The following MAGI1 variants were observed in gnomAD, a reference collection of about 807,000 sequenced individuals.
MAGI1 encodes membrane-associated guanylate kinase, WW and PDZ domain-containing protein 1.
In MAGI1, 58 loss-of-function variants were observed where a neutral mutation model predicts 139.9. The observed-to-expected ratio is 0.41, with a 90% CI of 0.34 to 0.52. The LOEUF is 0.52. Among genes scored for constraint, MAGI1 ranks in the 20% least tolerant of loss-of-function variants. The pLI is 0.12. For synonymous variants in MAGI1, 812 were observed against 737.9 expected, an observed-to-expected ratio of 1.10 and a Z score of -1.63; for missense variants, 1,874 against 1,901.6, an observed-to-expected ratio of 0.99 and a Z score of 0.27.
At chr3:65,668,553 C>A (rs2086660552) in intron 1 of MAGI1, among the ~76,000 whole-genome samples, 1 of 134,726 alleles carries the variant, frequency 7.4e-6, no homozygotes, top group Non-Finnish European at 1.5e-5. Flanking sequence ...CCATTTAGTC[C>A]TTTTTTTTCT....
At chr3:65,595,190 G>T (rs1298920148) in intron 2 of MAGI1, among the ~76,000 whole-genome samples, 11 of 152,182 alleles carry the variant, frequency 7.2e-5, no homozygotes, top group Admixed American at 3.9e-4. Context: ...AGGAGAGGCT[G>T]CCTCATCAGA....
intron 10 of MAGI1, among the ~76,000 whole-genome samples, chr3:65,433,341 T>G (rs1046738412): frequency 2.6e-5 from 4 of 152,120 alleles, no homozygotes; most frequent in African/African-American, 9.7e-5. Flanking sequence ...AAAAATACAT[T>G]AGCATATTTT....
chr3:65,960,327 C>G (rs774680907), intron 1 of MAGI1, among the ~76,000 whole-genome samples: 1 of 152,146 alleles, frequency 6.6e-6, no homozygotes, highest in African/African-American at 2.4e-5. Context: ...GACAATTCTG[C>G]GTTAGCCTTC....
At chr3:65,408,605 T>C (rs1945538281) in intron 12 of MAGI1, among the ~76,000 whole-genome samples, 1 of 152,208 alleles carries the variant, frequency 6.6e-6, no homozygotes, top group African/African-American at 2.4e-5. Context: ...TGAACATCAA[T>C]GGCCGGCAAC....
At chr3:65,555,007 C>T (rs534699906) in intron 2 of MAGI1, among the ~76,000 whole-genome samples, 4 of 152,048 alleles carry the variant, frequency 2.6e-5, no homozygotes, top group African/African-American at 9.7e-5. Context: ...TAGTTAATAG[C>T]CAATGTTAAT....
At chr3:65,672,461 C>A (rs573737695) in intron 1 of MAGI1, among the ~76,000 whole-genome samples, 1 of 152,092 alleles carries the variant, frequency 6.6e-6, no homozygotes, top group Non-Finnish European at 1.5e-5. Context: ...CAGATTATAT[C>A]GGTTTAGGTC....
At chr3:65,458,095 C>A (rs1949521210) in intron 5 of MAGI1, among the ~76,000 whole-genome samples, 1 of 152,112 alleles carries the variant, frequency 6.6e-6, no homozygotes, top group South Asian at 2.1e-4. Context: ...ATAATGACCT[C>A]CAGTTCCACA....
intron 1 of MAGI1, among the ~76,000 whole-genome samples, chr3:65,631,248 A>G (rs1179900314): frequency 2.0e-5 from 3 of 152,226 alleles, no homozygotes; most frequent in Non-Finnish European, 4.4e-5. Context: ...AAGGAATCCA[A>G]TGTTTGTGCT....
intron 1 of MAGI1, among the ~76,000 whole-genome samples, chr3:65,978,329 G>A (rs2065367412): frequency 6.6e-6 from 1 of 152,148 alleles, no homozygotes; most frequent in South Asian, 2.1e-4. Flanking sequence ...GGAAGTTTGT[G>A]GCTCTAGAAT....
At chr3:65,741,175 T>C (rs1467426209) in intron 1 of MAGI1, among the ~76,000 whole-genome samples, 3 of 135,892 alleles carry the variant, frequency 2.2e-5, no homozygotes, top group Admixed American at 7.3e-5. Flanking sequence ...GTTGCTATTA[T>C]TGATTTTTTT....
intron 1 of MAGI1, among the ~76,000 whole-genome samples, chr3:65,720,957 G>C (rs1253651126): frequency 6.6e-6 from 1 of 151,970 alleles, no homozygotes; most frequent in African/African-American, 2.4e-5. Flanking sequence ...GCCCAGGCTA[G>C]TCTCAAACTC....
intron 1 of MAGI1, among the ~76,000 whole-genome samples, chr3:65,795,353 A>G (rs1055248427): frequency 1.2e-4 from 19 of 152,196 alleles, no homozygotes; most frequent in Non-Finnish European, 2.9e-5. Flanking sequence ...CTACTCAGCA[A>G]TTTTTAAAAA....
intron 3 of MAGI1, among the ~76,000 whole-genome samples, chr3:65,491,077 A>G (rs1015313589): frequency 2.0e-5 from 3 of 152,090 alleles, no homozygotes; most frequent in Non-Finnish European, 4.4e-5. Flanking sequence ...CTCTACTGCT[A>G]TACACCAGGA....
intron 1 of MAGI1, among the ~76,000 whole-genome samples, chr3:66,035,559 G>C (rs2068869436): frequency 6.6e-6 from 1 of 152,170 alleles, no homozygotes; most frequent in South Asian, 2.1e-4. Context: ...GAAGACGTCA[G>C]AAGATCCAAC....
intron 4 of MAGI1, among the ~76,000 whole-genome samples, chr3:65,477,717 T>TA (rs370763213): frequency 0.03 from 3,680 of 124,412 alleles, 63 homozygotes; most frequent in East Asian, 0.076. Flanking sequence ...TATTATTTTT[T>TA]TTTTTTTATT....
At chr3:65,619,302 A>G (rs1011486104) in intron 2 of MAGI1, among the ~76,000 whole-genome samples, 4 of 152,238 alleles carry the variant, frequency 2.6e-5, no homozygotes, top group Non-Finnish European at 4.4e-5. Flanking sequence ...CAGAGAATTA[A>G]GATAAACTGA....
intron 2 of MAGI1, among the ~76,000 whole-genome samples, chr3:65,557,794 C>G (rs144202678): frequency 1.8e-4 from 28 of 152,268 alleles, no homozygotes; most frequent in African/African-American, 6.5e-4. Flanking sequence ...CCTAGCAATA[C>G]AACTGGAAGA....
At chr3:65,566,124 G>T (rs1031652179) in intron 2 of MAGI1, among the ~76,000 whole-genome samples, 5 of 149,458 alleles carry the variant, frequency 3.3e-5, no homozygotes, top group Admixed American at 2.7e-4. Flanking sequence ...CATGGTGGCA[G>T]GCACCTGTAG....
intron 2 of MAGI1, among the ~76,000 whole-genome samples, chr3:65,590,236 T>C (rs1284067691): frequency 6.6e-6 from 1 of 152,204 alleles, no homozygotes; most frequent in Non-Finnish European, 1.5e-5. Flanking sequence ...GGGATGTCAT[T>C]GGCCATGTAT....
Sources: gnomAD v4.1 joint callset for allele counts (sites outside exome capture counted in the v4.1 genomes callset) on GRCh38, gnomAD v4.1.1 for gene constraint, MANE v1.5 for transcripts, NCBI Gene and HGNC (gene_info 2026-07-23, HGNC 2026-07-21) for gene names.